The following TENM2 variants were observed in gnomAD, a reference collection of about 807,000 sequenced individuals.
TENM2 encodes the protein teneurin transmembrane protein 2, also known as teneurin-2.
In TENM2, 52 loss-of-function variants were observed where a neutral mutation model predicts 245.2. The ratio of observed to expected loss-of-function variants is 0.21; its 90% CI spans 0.17 to 0.27. The LOEUF (loss-of-function observed/expected upper bound fraction) is 0.27, where lower values mean the gene tolerates loss of function less well. Among genes scored for constraint, TENM2 ranks in the 10% least tolerant of loss-of-function variants. The pLI, the probability that TENM2 is intolerant of heterozygous loss-of-function variation, is 1.00. For synonymous variants in TENM2, 1,363 were observed against 1,438.9 expected (o/e 0.95, Z 1.19); for missense variants, 3,046 against 3,666.8 (o/e 0.83, Z 4.37).
intron 2 of TENM2, among the ~76,000 whole-genome samples, chr5:167,733,076 C>CAGG (rs150752087): frequency 0.29 from 44,055 of 151,800 alleles, 6,568 homozygotes; most frequent in East Asian, 0.43. Context: ...TTTTCTCCAA[C>CAGG]AGGAGCATCT....
chr5:167,258,759 C>T, the TENM2 span, among the ~76,000 whole-genome samples: 1 of 152,024 alleles, frequency 6.6e-6, no homozygotes, highest in African/African-American at 2.4e-5. Flanking sequence ...ATTAAAACTT[C>T]AACACAAATA....
At chr5:168,253,384 T>C (rs1767310437) in intron 27 of TENM2, among the ~76,000 whole-genome samples, 1 of 150,936 alleles carries the variant, frequency 6.6e-6, no homozygotes, top group East Asian at 1.9e-4. Flanking sequence ...CAAAGGCTAA[T>C]AAAAGCACAG....
chr5:167,122,192 T>C, the TENM2 span, among the ~76,000 whole-genome samples: 1 of 152,178 alleles, frequency 6.6e-6, no homozygotes, highest in East Asian at 1.9e-4. Flanking sequence ...AACCTTTGAT[T>C]TTTGAGACCT....
chr5:167,908,892 T>C (rs1364568695), intron 3 of TENM2, among the ~76,000 whole-genome samples: 1 of 151,928 alleles, frequency 6.6e-6, no homozygotes, highest in Non-Finnish European at 1.5e-5. Context: ...TCATAGAAGC[T>C]TTCCTTAGTT....
At chr5:167,555,366 C>G (rs1399962952) in intron 2 of TENM2, among the ~76,000 whole-genome samples, 1 of 152,158 alleles carries the variant, frequency 6.6e-6, no homozygotes, top group Non-Finnish European at 1.5e-5. Context: ...TAATTTTTCC[C>G]TTTTCTTTTT....
chr5:168,148,586 C>T (rs199501858), intron 12 of TENM2, among the ~76,000 whole-genome samples: 11 of 151,986 alleles, frequency 7.2e-5, no homozygotes, highest in East Asian at 5.8e-4. Flanking sequence ...CCCTGGGCCA[C>T]GTGGATGGGA....
At chr5:168,152,674 A>G (rs1409923419) in intron 12 of TENM2, among the ~76,000 whole-genome samples, 1 of 152,222 alleles carries the variant, frequency 6.6e-6, no homozygotes, top group Non-Finnish European at 1.5e-5. Context: ...ATTCACCTCC[A>G]AAAACCAAAT....
At chr5:167,042,988 G>T in the TENM2 span, among the ~76,000 whole-genome samples, 2 of 152,194 alleles carry the variant, frequency 1.3e-5, no homozygotes, top group African/African-American at 4.8e-5. Context: ...AGGACTTCCA[G>T]TTGGCCAGTG....
intron 2 of TENM2, among the ~76,000 whole-genome samples, chr5:167,852,754 A>G (rs1023666317): frequency 3.9e-5 from 6 of 152,128 alleles, no homozygotes; most frequent in African/African-American, 1.2e-4. Flanking sequence ...TGGGATTTGA[A>G]GTTGTGTGTA....
At chr5:167,177,862 A>G in the TENM2 span, among the ~76,000 whole-genome samples, 4 of 152,122 alleles carry the variant, frequency 2.6e-5, no homozygotes, top group Admixed American at 6.5e-5. Flanking sequence ...AAGCCTCAGT[A>G]CTCTTATTAG....
At chr5:168,121,951 T>C (rs1475046296) in intron 10 of TENM2, among the ~76,000 whole-genome samples, 1 of 152,190 alleles carries the variant, frequency 6.6e-6, no homozygotes, top group African/African-American at 2.4e-5. Context: ...AATTTACAGA[T>C]CCCCAAATAC....
intron 2 of TENM2, among the ~76,000 whole-genome samples, chr5:167,812,669 G>T (rs1766726606): frequency 6.6e-6 from 1 of 152,138 alleles, no homozygotes; most frequent in African/African-American, 2.4e-5. Flanking sequence ...TGGACAGTTG[G>T]CTGCAGCAGA....
intron 11 of TENM2, 149 bp from the exon 14 acceptor site, chr5:168,126,605 C>A (rs974340998): frequency 1.6e-5 from 10 of 629,684 alleles, no homozygotes; most frequent in Admixed American, 1.5e-4. Context: ...TGAATTGATA[C>A]CCAGCCAAGG....
At chr5:167,296,552 GA>G (rs1267927210) in intron 1 of TENM2, 1 of 111,582 alleles carries the variant, frequency 9.0e-6, no homozygotes, top group African/African-American at 4.2e-5. Flanking sequence ...TCCTCAAAAA[GA>G]AAAAAAGAAA....
chr5:167,815,261 C>T (rs1211819087), intron 2 of TENM2, among the ~76,000 whole-genome samples: 1 of 152,038 alleles, frequency 6.6e-6, no homozygotes, highest in Non-Finnish European at 1.5e-5. Flanking sequence ...AAAGAGTGGA[C>T]GCTGCACTGG....
chr5:167,859,608 G>T (rs2151273945), intron 2 of TENM2, among the ~76,000 whole-genome samples: 1 of 112,858 alleles, frequency 8.9e-6, no homozygotes, highest in East Asian at 3.1e-4. Context: ...AGGGAGGTGG[G>T]GGGGTCAGCC....
chr5:167,442,397 A>G (rs1764925432), intron 2 of TENM2, among the ~76,000 whole-genome samples: 1 of 152,188 alleles, frequency 6.6e-6, no homozygotes, highest in Admixed American at 6.5e-5. Flanking sequence ...CTCTAAACCC[A>G]TAACTAGAAA....
intron 2 of TENM2, among the ~76,000 whole-genome samples, chr5:167,705,065 G>C (rs1758412572): frequency 6.6e-6 from 1 of 152,180 alleles, no homozygotes. Flanking sequence ...GAATAACTGA[G>C]GAGAGAAAGA....
At chr5:167,065,248 A>T in the TENM2 span, among the ~76,000 whole-genome samples, 2 of 152,298 alleles carry the variant, frequency 1.3e-5, no homozygotes, top group Non-Finnish European at 2.9e-5. Context: ...TTTAGCACAT[A>T]ACCTTTTATT....
Sources: gnomAD v4.1 joint callset for allele counts (sites outside exome capture counted in the v4.1 genomes callset) on GRCh38, gnomAD v4.1.1 for gene constraint, MANE v1.5 for transcripts, NCBI Gene and HGNC (gene_info 2026-07-23, HGNC 2026-07-21) for gene names.